The following NFATC1 variants were observed in gnomAD, a reference collection of about 807,000 sequenced individuals.
NFATC1 encodes the protein nuclear factor of activated T-cells, cytoplasmic 1.
In NFATC1, 22 loss-of-function variants were observed where a neutral mutation model predicts 76.0. The observed-to-expected ratio is 0.29, with a 90% confidence interval of 0.21 to 0.41. The LOEUF is 0.41. NFATC1 is among the 10% of genes least tolerant of loss of function. The pLI is 1.00. For synonymous variants in NFATC1, 704 were observed against 613.1 expected (o/e 1.15, Z -2.19); for missense variants, 1,357 against 1,337.7 (o/e 1.01, Z -0.23).
chr18:79,504,554 G>A (rs1255229722), intron 9 of NFATC1, among the ~76,000 whole-genome samples: 1 of 152,236 alleles, frequency 6.6e-6, no homozygotes, highest in East Asian at 1.9e-4. Context: ...AGATATGATA[G>A]CAATGAGAAA....
chr18:79,467,491 G>T lies in NFATC1; in HGVS notation c.2001G>T (p.Arg667Ser). The change falls in exon 8 of 10, where the codon AGG (arginine) becomes AGT (serine). Residue 667 changes from arginine to serine, a missense_variant. Transcript: ENST00000427363. ...VVEIPPFRNQ[R>S]ITSPVHVSFY... ...AGATCCCGCCATTTCGGAATCAGAG[G>T]ATAACCAGCCCCGTTCACGTCAGTT... 6.2e-7 allele frequency: 1 copy of T among 1,612,076 alleles called. No homozygotes were observed. Among genetic ancestry groups the T allele is most frequent in the Non-Finnish European group, 8.5e-7 (1 of 1,178,538 alleles).
intron 9 of NFATC1, among the ~76,000 whole-genome samples, chr18:79,511,466 C>T (rs1044470613): frequency 3.9e-5 from 6 of 152,186 alleles, no homozygotes; most frequent in South Asian, 2.1e-4. Flanking sequence ...AGTGACTCCA[C>T]GGTGGCTTCC....
intron 9 of NFATC1, among the ~76,000 whole-genome samples, chr18:79,491,449 G>T (rs1173991495): frequency 6.6e-6 from 1 of 152,210 alleles, no homozygotes; most frequent in Non-Finnish European, 1.5e-5. Flanking sequence ...AGAGCGAAAA[G>T]CTGGGGTTGG....
chr18:79,415,640 A>G (rs1241256822), intron 2 of NFATC1, among the ~76,000 whole-genome samples: 1 of 152,220 alleles, frequency 6.6e-6, no homozygotes, highest in East Asian at 1.9e-4. Context: ...TTTAAAAAGA[A>G]TTTCTAAGGA....
At chr18:79,447,564 G>T (rs781036984) in intron 3 of NFATC1, among the ~76,000 whole-genome samples, 4 of 152,242 alleles carry the variant, frequency 2.6e-5, no homozygotes, top group Admixed American at 1.3e-4. Context: ...CATGGATTTT[G>T]CTGATGAATC....
At position 79,410,786 on chromosome 18, in the gene NFATC1, C is replaced by T. The variant is rs772675308; in HGVS notation, c.511C>T (p.Leu171=). 6 of 1,612,722 alleles carry T rather than the reference C, an allele frequency of 3.7e-6. No individual in the cohort carries two copies. The highest frequency in any genetic ancestry group is 2.2e-5 in the South Asian group (2 of 91,068). The change falls in exon 2 of 10, where the codon CTG becomes TTG. Residue 171 remains leucine (L), a synonymous_variant. Coordinates refer to ENST00000427363, the MANE Select transcript of NFATC1 (RefSeq NM_001278669.2). The surrounding 1 kb of genome is among the most constrained non-coding windows in gnomAD (Gnocchi z 6.7). ...SLEAYRDPSC[L]SPASSLSSRS... is the part of the protein sequence containing the mutation. ...GGAGGCCTACAGAGACCCCTCGTGC[C>T]TGAGCCCGGCCAGCAGCCTGTCCTC...
At position 79,400,367 on chromosome 18, in the gene NFATC1, C is replaced by CGCCCCGGCCCCG. The variant is rs749710747; in HGVS notation, c.127+4021_127+4032dup. The stretch of plus-strand genomic sequence containing the variant: ...CCCTGGCGGCCGCGACCCCGGCTCC[C>CGCCCCGGCCCCG]GCCCCGGCCCCGGCCCGACCCGCCA... On this transcript the variant is annotated intron_variant, in intron 1 of 9. Transcript: ENST00000427363. 3.3e-3 allele frequency: 4,729 copies of CGCCCCGGCCCCG among 1,434,228 alleles called. 6 individuals are homozygous for CGCCCCGGCCCCG. The highest frequency in any genetic ancestry group is 4.1e-3 in the Non-Finnish European group (4,438 of 1,091,052). The allele number at this position is 1,434,228 out of a possible 1,614,324, so 88.8% of individuals were successfully genotyped here. A position where few individuals can be genotyped will look rare whatever the true frequency, so the allele number is the denominator to read the frequency against.
At chr18:79,464,208 G>A (rs1211374716) in intron 7 of NFATC1, among the ~76,000 whole-genome samples, 1 of 152,136 alleles carries the variant, frequency 6.6e-6, no homozygotes. Context: ...TCATGCCTCA[G>A]TCTCCCGAGT....
intron 3 of NFATC1, among the ~76,000 whole-genome samples, chr18:79,444,392 A>T (rs939607228): frequency 5.3e-5 from 8 of 152,206 alleles, no homozygotes; most frequent in African/African-American, 1.4e-4. Flanking sequence ...AACCAGGACA[A>T]GAGGTGTGCG....
chr18:79,527,407 G>T (rs1157138869), intron 9 of NFATC1, 121 bp from the exon 10 acceptor site: 3 of 777,228 alleles, frequency 3.9e-6, no homozygotes, highest in Admixed American at 4.5e-5. Flanking sequence ...GGAAATGTGG[G>T]TTCCTGGGGA....
intron 8 of NFATC1, 74 bp downstream of exon 8, chr18:79,467,656 C>T (rs752020214): frequency 1.3e-5 from 20 of 1,593,018 alleles, no homozygotes; most frequent in African/African-American, 2.7e-5. Flanking sequence ...GCAGAAACGA[C>T]GTCGCCGTAA....
chr18:79,507,874 A>ACG (rs1202847579), intron 9 of NFATC1, among the ~76,000 whole-genome samples: 1 of 152,214 alleles, frequency 6.6e-6, no homozygotes, highest in African/African-American at 2.4e-5. Context: ...CACGTCCGTC[A>ACG]CGTGGCCACC....
In NFATC1 at chr18:79,403,534, C is replaced by T. The variant is rs759445789; in HGVS notation, c.128-6869C>T. 5.8e-4 allele frequency among the ~76,000 whole-genome samples: 88 copies of T among 152,212 alleles called. 1 individual carries two copies. Among genetic ancestry groups the T allele is most frequent in the Non-Finnish European group, 1.8e-4 (12 of 68,042 alleles). On this transcript the variant is annotated intron_variant, in intron 1 of 9. Transcript: ENST00000427363. Reference sequence around the variant, plus strand: ...GCGTGCCCTGCTTCCCGCCCCAGGGCTCCTGTTTTCTAAGTTATTTTGGCC... The same window carrying T: ...GCGTGCCCTGCTTCCCGCCCCAGGGTTCCTGTTTTCTAAGTTATTTTGGCC...
intron 2 of NFATC1, among the ~76,000 whole-genome samples, chr18:79,428,462 C>T (rs1437965681): frequency 6.6e-6 from 1 of 152,198 alleles, no homozygotes; most frequent in African/African-American, 2.4e-5. Context: ...TCCAGGGAGC[C>T]TCACGATGCT....
intron 9 of NFATC1, among the ~76,000 whole-genome samples, chr18:79,515,639 G>T (rs1208070716): frequency 6.6e-6 from 1 of 151,894 alleles, no homozygotes; most frequent in African/African-American, 2.4e-5. Flanking sequence ...GAAGGAGGCC[G>T]CCTGATCAGT....
intron 1 of NFATC1, among the ~76,000 whole-genome samples, chr18:79,401,113 C>T (rs2085232427): frequency 6.6e-6 from 1 of 150,510 alleles, no homozygotes; most frequent in Non-Finnish European, 1.5e-5. Context: ...TAACTCCCCA[C>T]TCCCGAAGAG....
rs563856748 is a variant in NFATC1, at chr18:79,461,613, C to T, written c.1959+247C>T. Among the ~76,000 whole-genome samples the T allele has an allele frequency of 2.6e-5, 4 of 152,342 alleles. No individual in the cohort carries two copies. In the East Asian group the frequency reaches 5.8e-4, roughly 22 times the overall value. Reference sequence around the variant, plus strand: ...ACGTCAGAGCCCTGGCGGCCGGGGACGGTGCTGGACAGGCTGAGGGCCACC... The same window carrying T: ...ACGTCAGAGCCCTGGCGGCCGGGGATGGTGCTGGACAGGCTGAGGGCCACC... On this transcript the variant is annotated intron_variant, in intron 7 of 9. Transcript: ENST00000427363.
At chr18:79,397,917 G>A (rs1217587162) in intron 1 of NFATC1, among the ~76,000 whole-genome samples, 1 of 152,220 alleles carries the variant, frequency 6.6e-6, no homozygotes, top group Non-Finnish European at 1.5e-5. Flanking sequence ...ACCGACATGG[G>A]TGTATTTTAT....
intron 8 of NFATC1, chr18:79,468,302 C>A (rs1255268242): frequency 6.6e-6 from 1 of 152,190 alleles, no homozygotes; most frequent in African/African-American, 2.4e-5. Flanking sequence ...ACGCCATCCC[C>A]GGCTTCCTTT....
Sources: allele counts gnomAD v4.1 joint callset (sites outside exome capture counted in the v4.1 genomes callset), GRCh38; gene constraint gnomAD v4.1.1; non-coding constraint Gnocchi (gnomAD v3.1); transcripts MANE v1.5; gene names NCBI Gene and HGNC (gene_info 2026-07-23, HGNC 2026-07-21).